The following ZNF800 variants were observed in gnomAD, a reference collection of about 807,000 sequenced individuals.
The protein encoded by ZNF800 is zinc finger protein 800.
Under a neutral mutation model 59.5 loss-of-function variants are expected in ZNF800, and 13 were observed. That is an observed-to-expected ratio of 0.22 (90% CI 0.14 to 0.35). The LOEUF is 0.35. ZNF800 is among the 10% of genes least tolerant of loss of function. The probability of loss-of-function intolerance (pLI) is 1.00; values close to 1 mark genes in which losing one functional copy is unlikely to be tolerated. For missense variants in ZNF800, 621 were observed against 783.7 expected, an observed-to-expected ratio of 0.79 and a Z score of 2.48; for synonymous variants, 266 against 265.7, an observed-to-expected ratio of 1.00 and a Z score of -0.01.
downstream of ZNF800, among the ~76,000 whole-genome samples, chr7:127,343,661 G>A (rs1036941319): frequency 2.6e-5 from 4 of 151,682 alleles, no homozygotes; most frequent in African/African-American, 9.7e-5. Flanking sequence ...AGCTGATAAA[G>A]GTAGAATTCA....
rs780665226 is a variant in ZNF800 at position 127,377,065 on chromosome 7, T to A, written c.301+121A>T. 1 of 896,284 alleles carries A rather than the reference T, an allele frequency of 1.1e-6. No homozygotes were observed. Among genetic ancestry groups the A allele is most frequent in the Non-Finnish European group, 1.6e-6 (1 of 613,412 alleles). The allele number at this position is 896,284 out of a possible 1,614,324, so 55.5% of individuals were successfully genotyped here. A position where few individuals can be genotyped will look rare whatever the true frequency, so the allele number is the denominator to read the frequency against. ...TCTCCATCTCCATCTAAAAATTATC[T>A]GTAACTAGACATCATTATCAAATTA... On this transcript the variant is annotated intron_variant, in intron 4 of 5. Coordinates refer to ENST00000265827, the MANE Select transcript of ZNF800 (RefSeq NM_176814.5). The surrounding 1 kb of genome is among the most constrained non-coding windows in gnomAD (Gnocchi z 4.7).
intron 3 of ZNF800, among the ~76,000 whole-genome samples, chr7:127,385,465 T>C (rs1801109950): frequency 1.3e-5 from 2 of 152,220 alleles, no homozygotes; most frequent in African/African-American, 4.8e-5. Context: ...TACACAATTA[T>C]ATTTATTATA....
intron 2 of ZNF800, among the ~76,000 whole-genome samples, chr7:127,388,163 T>A (rs1288482843): frequency 2.0e-5 from 3 of 152,178 alleles, no homozygotes; most frequent in Non-Finnish European, 4.4e-5. Context: ...AATAAGCTAA[T>A]GCAAATCAAC....
intron 2 of ZNF800, among the ~76,000 whole-genome samples, 195 bp downstream of exon 2, chr7:127,391,302 C>CT (rs1344042810): frequency 1.3e-5 from 2 of 151,866 alleles, no homozygotes; most frequent in Non-Finnish European, 2.9e-5. Context: ...ACTTGCAGTA[C>CT]TTTTTTTTAA....
chr7:127,392,431 T>G lies in ZNF800; in HGVS notation c.-430A>C. ...AACCGGAGCGGGCAGGACCTGAGGC[T>G]TCCCTCGCCGGGGCAACGGCTGCCG... On this transcript the variant is annotated 5_prime_UTR_variant, in exon 1 of 6. Coordinates refer to ENST00000265827, the MANE Select transcript of ZNF800 (RefSeq NM_176814.5). 1.4e-5 allele frequency: 5 copies of G among 369,336 alleles called. No homozygotes were observed. The highest frequency in any genetic ancestry group is 2.4e-5 in the Non-Finnish European group (5 of 207,496). The allele number at this position is 369,336 out of a possible 1,614,324, so 22.9% of individuals were successfully genotyped here.
At chr7:127,373,182 G>A in intron 5 of ZNF800, 160 bp downstream of exon 5, 2 of 985,420 alleles carry the variant, frequency 2.0e-6, no homozygotes, top group Non-Finnish European at 2.4e-6. Context: ...GGTCACTGAA[G>A]AGGTAAATGC....
rs758011187 is a variant in ZNF800 at position 127,391,482 on chromosome 7, C to CG, written c.61+14dup. Reference sequence around the variant, plus strand: ...TGATGGAGGGCAAAGCAACTGCGGACGAAGAGGGGTCTACCTGGTTCACAG... The same window carrying CG: ...TGATGGAGGGCAAAGCAACTGCGGACGGAAGAGGGGTCTACCTGGTTCACAG... On this transcript the variant is annotated intron_variant, in intron 2 of 5. Transcript: ENST00000265827. 2.5e-6 allele frequency: 4 copies of CG among 1,613,896 alleles called. No individual in the cohort carries two copies. The highest frequency in any genetic ancestry group is 3.4e-6 in the Non-Finnish European group (4 of 1,179,850).
At chr7:127,368,922 T>C (rs1365208353), downstream of ZNF800, among the ~76,000 whole-genome samples, 4 of 151,908 alleles carry the variant, frequency 2.6e-5, no homozygotes, top group African/African-American at 9.7e-5. Flanking sequence ...AAAAACTTAA[T>C]TCATATATAC....
chr7:127,389,580 C>T lies in ZNF800; in HGVS notation c.61+1917G>A, dbSNP rs1056501812. Among the ~76,000 whole-genome samples, 305 of 152,256 alleles carry T rather than the reference C, an allele frequency of 2.0e-3. 5 individuals are homozygous for T. Among genetic ancestry groups the T allele is most frequent in the Non-Finnish European group, 1.6e-4 (11 of 67,978 alleles). On this transcript the variant is annotated intron_variant, in intron 2 of 5. Transcript: ENST00000265827. ...CTTTCAGTCCTGGAAATATCCTACCCACTCAGCATATACCTTCCTCTGAAA... is the reference window on the plus strand; with the variant it reads ...CTTTCAGTCCTGGAAATATCCTACCTACTCAGCATATACCTTCCTCTGAAA...
intron 3 of ZNF800, among the ~76,000 whole-genome samples, chr7:127,380,533 AT>A (rs1353629153): frequency 5.3e-5 from 8 of 152,262 alleles, no homozygotes; most frequent in Non-Finnish European, 1.0e-4. Flanking sequence ...ACCACTTAAG[AT>A]TTTTTTATTT....
At chr7:127,390,210 G>GA (rs769377073) in intron 2 of ZNF800, among the ~76,000 whole-genome samples, 2 of 152,076 alleles carry the variant, frequency 1.3e-5, no homozygotes, top group Admixed American at 6.5e-5. Context: ...AGTGGAACAT[G>GA]AGTTTAAATG....
chr7:127,358,589 A>G (rs1800324009), intron 1 of ZNF800, among the ~76,000 whole-genome samples: 1 of 152,042 alleles, frequency 6.6e-6, no homozygotes, highest in Admixed American at 6.6e-5. Flanking sequence ...TCCCTGTCTC[A>G]TACTCCTTCC....
intron 1 of ZNF800, among the ~76,000 whole-genome samples, chr7:127,353,393 C>T (rs1198475336): frequency 6.6e-6 from 1 of 150,878 alleles, no homozygotes; most frequent in African/African-American, 2.5e-5. Flanking sequence ...ACCCTTAGGA[C>T]CCTGTGTTCA....
At chr7:127,379,050 A>T (rs1800875485) in intron 3 of ZNF800, among the ~76,000 whole-genome samples, 1 of 152,274 alleles carries the variant, frequency 6.6e-6, no homozygotes, top group African/African-American at 2.4e-5. Context: ...CCCAAATCCA[A>T]ATCTATGTTT....
chr7:127,382,637 T>C (rs780882417), intron 3 of ZNF800, among the ~76,000 whole-genome samples: 1 of 152,048 alleles, frequency 6.6e-6, no homozygotes, highest in Non-Finnish European at 1.5e-5. Context: ...AATTTCCAAG[T>C]GGAAAACCTG....
At chr7:127,384,803 G>T (rs964345088) in intron 3 of ZNF800, among the ~76,000 whole-genome samples, 3 of 151,912 alleles carry the variant, frequency 2.0e-5, no homozygotes, top group African/African-American at 4.8e-5. Flanking sequence ...TATTTTAATT[G>T]AACTTATCAC....
chr7:127,350,369 CTG>C lies in ZNF800; in HGVS notation n.225-2328_225-2327del, dbSNP rs1337073846. 3.3e-5 allele frequency: 5 copies of C among 152,206 alleles called. No individual in the cohort carries two copies. In the East Asian group the frequency reaches 5.8e-4, roughly 18 times the overall value. 9.4% of individuals were successfully genotyped at this position (152,206 alleles called of 1,614,324 possible). A position where few individuals can be genotyped will look rare whatever the true frequency, so the allele number is the denominator to read the frequency against. On this transcript the variant is annotated intron_variant and non_coding_transcript_variant, in intron 1 of 1. Coordinates refer to the ZNF800 transcript ENST00000485577. ...GGAAAAAAAATTTAGAAAATTCTGA[CTG>C]TTCAGTAGTACATCTCAATGAGATC...
Position 127,370,049 on chromosome 7 carries a change from C to CA in ZNF800, c.*1764dup, listed in dbSNP as rs1800594200. Reference sequence around the variant, plus strand: ...ATAAAAGATAACACCTTGCAAAAGTCAAACATATAGGTTTAATAATGTGCA... The same window carrying CA: ...ATAAAAGATAACACCTTGCAAAAGTCAAAACATATAGGTTTAATAATGTGCA... On this transcript the variant is annotated 3_prime_UTR_variant, in exon 6 of 6. Transcript: ENST00000265827. 1.3e-5 allele frequency: 2 copies of CA among 152,148 alleles called. No individual in the cohort carries two copies. The highest frequency in any genetic ancestry group is 4.8e-5 in the African/African-American group (2 of 41,510). 9.4% of individuals were successfully genotyped at this position (152,148 alleles called of 1,614,324 possible). A position where few individuals can be genotyped will look rare whatever the true frequency, so the allele number is the denominator to read the frequency against.
In ZNF800 at chr7:127,392,161, G is replaced by T. The variant is rs1216700461; in HGVS notation, c.-160C>A. On this transcript the variant is annotated 5_prime_UTR_variant, in exon 1 of 6. Coordinates refer to ENST00000265827, the MANE Select transcript of ZNF800 (RefSeq NM_176814.5). ...GGGAGGCGGCTGCGGGCCCCACCTG[G>T]CGCAGCCTCCGCTGACCACGCGGGG... 6 of 394,720 alleles carry T rather than the reference G, an allele frequency of 1.5e-5. No homozygotes were observed. The highest frequency in any genetic ancestry group is 2.7e-5 in the Non-Finnish European group (6 of 223,576). 24.5% of individuals were successfully genotyped at this position (394,720 alleles called of 1,614,324 possible).
Sources: gnomAD v4.1 joint callset for allele counts (sites outside exome capture counted in the v4.1 genomes callset) on GRCh38, gnomAD v4.1.1 for gene constraint, Gnocchi (gnomAD v3.1) non-coding constraint, MANE v1.5 for transcripts, NCBI Gene and HGNC (gene_info 2026-07-23, HGNC 2026-07-21) for gene names.